AGBL4: variants seen among roughly 807,000 people sequenced by gnomAD.
The protein encoded by AGBL4 is cytosolic carboxypeptidase 6.
AGBL4 carries 58 observed loss-of-function variants against 66.4 expected under a neutral mutation model. That is an observed-to-expected ratio of 0.87 (90% CI 0.71 to 1.09). The LOEUF is 1.09. Ranked by LOEUF, AGBL4 falls within the 50% of genes least tolerant of loss-of-function variation. The pLI, the probability that AGBL4 is intolerant of heterozygous loss-of-function variation, is 0.00. For synonymous variants in AGBL4, 234 were observed against 222.9 expected, an observed-to-expected ratio of 1.05 and a Z score of -0.44; for missense variants, 579 against 631.0, an observed-to-expected ratio of 0.92 and a Z score of 0.88.
At position 48,717,078 on chromosome 1, in the gene AGBL4, C is replaced by T. The variant is rs1000447488; in HGVS notation, c.635-53837G>A. Among the ~76,000 whole-genome samples, 11 of 152,380 alleles carry T rather than the reference C, an allele frequency of 7.2e-5. No individual in the cohort carries two copies. In the East Asian group the frequency reaches 1.2e-3, roughly 16 times the overall value. On this transcript the variant is annotated intron_variant, in intron 6 of 13. Transcript: ENST00000371839. Reference sequence around the variant, plus strand: ...TTTCAGCTACACAGAAGAGCAGGCGCGGATAGTGCAGTGCAGTGCCCCATC... The same window carrying T: ...TTTCAGCTACACAGAAGAGCAGGCGTGGATAGTGCAGTGCAGTGCCCCATC...
intron 5 of AGBL4, among the ~76,000 whole-genome samples, chr1:48,996,580 T>A (rs77393403): frequency 0.013 from 1,914 of 152,226 alleles, 39 homozygotes; most frequent in African/African-American, 0.043. Flanking sequence ...TCCAATAACA[T>A]GAAAACAGGG....
intron 4 of AGBL4, among the ~76,000 whole-genome samples, chr1:49,064,992 C>G (rs1306376639): frequency 1.3e-5 from 2 of 152,072 alleles, no homozygotes; most frequent in African/African-American, 4.8e-5. Flanking sequence ...AAACTTAAAT[C>G]AAAGGCCAGG....
At chr1:48,957,170 A>G (rs1657520813) in intron 5 of AGBL4, among the ~76,000 whole-genome samples, 1 of 152,178 alleles carries the variant, frequency 6.6e-6, no homozygotes, top group Admixed American at 6.6e-5. Context: ...CTATTATTAC[A>G]TATATATGTA....
chr1:49,077,839 A>C (rs1415550778), intron 4 of AGBL4, among the ~76,000 whole-genome samples: 1 of 152,108 alleles, frequency 6.6e-6, no homozygotes, highest in Admixed American at 6.6e-5. Flanking sequence ...AGGAGGGAGG[A>C]GGAAAGGAGG....
intron 3 of AGBL4, among the ~76,000 whole-genome samples, chr1:49,502,460 A>T (rs1185369788): frequency 6.6e-6 from 1 of 152,110 alleles, no homozygotes; most frequent in Non-Finnish European, 1.5e-5. Context: ...TGTGGAAGTG[A>T]TTTTGGAACT....
chr1:48,701,805 AT>A (rs1646806268), intron 6 of AGBL4, among the ~76,000 whole-genome samples: 1 of 152,174 alleles, frequency 6.6e-6, no homozygotes, highest in African/African-American at 2.4e-5. Flanking sequence ...TTATTGTTGA[AT>A]AAAACAATAA....
At chr1:49,401,400 A>C (rs1645083017) in intron 3 of AGBL4, among the ~76,000 whole-genome samples, 1 of 152,156 alleles carries the variant, frequency 6.6e-6, no homozygotes, top group African/African-American at 2.4e-5. Flanking sequence ...ACATAGCCAA[A>C]TCATATCACA....
At chr1:49,845,187 C>T in intron 2 of AGBL4, 1 of 1,434,420 alleles carries the variant, frequency 7.0e-7, no homozygotes, top group South Asian at 1.1e-5. Context: ...GAAAAGTCTT[C>T]CGAAACAGCT....
chr1:48,885,086 AT>A (rs532730982), intron 5 of AGBL4, among the ~76,000 whole-genome samples: 53 of 152,210 alleles, frequency 3.5e-4, no homozygotes, highest in Non-Finnish European at 1.5e-5. Context: ...CCTGGAGATC[AT>A]CTAGTCCAGG....
chr1:49,559,318 TATCA>T (rs1643977963), intron 3 of AGBL4, among the ~76,000 whole-genome samples: 1 of 152,142 alleles, frequency 6.6e-6, no homozygotes, highest in South Asian at 2.1e-4. Flanking sequence ...TGTACAAGAC[TATCA>T]AGGCAGTACC....
chr1:49,991,828 C>A (rs1659965156), intron 1 of AGBL4, among the ~76,000 whole-genome samples: 1 of 152,070 alleles, frequency 6.6e-6, no homozygotes, highest in East Asian at 1.9e-4. Context: ...CATTAAAGGG[C>A]TTTGGAGTCA....
chr1:49,347,753 G>A (rs759064008), intron 3 of AGBL4, among the ~76,000 whole-genome samples: 6 of 151,620 alleles, frequency 4.0e-5, no homozygotes, highest in African/African-American at 1.2e-4. Context: ...CCAGCTACTC[G>A]GGAGGCTGCA....
At chr1:49,753,355 T>C (rs1651627871) in intron 2 of AGBL4, among the ~76,000 whole-genome samples, 2 of 152,242 alleles carry the variant, frequency 1.3e-5, no homozygotes. Context: ...TGTGAAATTC[T>C]GGGTTGAAAA....
chr1:49,597,977 C>T (rs1644882108), intron 3 of AGBL4, among the ~76,000 whole-genome samples: 1 of 152,196 alleles, frequency 6.6e-6, no homozygotes, highest in Non-Finnish European at 1.5e-5. Flanking sequence ...GATAATTTGA[C>T]TTCCTCCCTT....
chr1:49,977,276 T>G (rs1361171973), intron 1 of AGBL4, among the ~76,000 whole-genome samples: 2 of 151,992 alleles, frequency 1.3e-5, no homozygotes, highest in East Asian at 3.8e-4. Context: ...CCTCCCATCT[T>G]TCATGAGCTT....
At position 48,587,220 on chromosome 1, in the gene AGBL4, T is replaced by C. The variant is rs1441279251; in HGVS notation, c.1105-54A>G. On this transcript the variant is annotated intron_variant, in intron 10 of 13. Transcript: ENST00000371839. Reference sequence around the variant, plus strand: ...ATCACGGCACCTGCTGCAAATTGGATTGTGGGCAAATTTTACAACACCTCT... The same window carrying C: ...ATCACGGCACCTGCTGCAAATTGGACTGTGGGCAAATTTTACAACACCTCT... 2.0e-6 allele frequency: 3 copies of C among 1,505,930 alleles called. No homozygotes were observed. The East Asian group carries it at 7.4e-5, about 37-fold the overall frequency. The allele number at this position is 1,505,930 out of a possible 1,614,324, so 93.3% of individuals were successfully genotyped here.
chr1:49,835,514 A>G (rs544601172), intron 2 of AGBL4, among the ~76,000 whole-genome samples: 62 of 151,720 alleles, frequency 4.1e-4, no homozygotes, highest in African/African-American at 1.4e-3. Flanking sequence ...ATGGGTGTTG[A>G]CTCTTTATCC....
intron 2 of AGBL4, among the ~76,000 whole-genome samples, chr1:49,823,291 A>G (rs1645415190): frequency 6.6e-6 from 1 of 152,208 alleles, no homozygotes; most frequent in African/African-American, 2.4e-5. Context: ...CTTAGCTATA[A>G]GGCAGTGTGA....
chr1:49,650,903 G>A (rs1645990859), intron 3 of AGBL4, among the ~76,000 whole-genome samples: 1 of 152,158 alleles, frequency 6.6e-6, no homozygotes, highest in Admixed American at 6.5e-5. Context: ...TGACATGAGT[G>A]CCCTTGGAAA....
Sources: gnomAD v4.1 joint callset for allele counts (sites outside exome capture counted in the v4.1 genomes callset) on GRCh38, gnomAD v4.1.1 for gene constraint, MANE v1.5 for transcripts, NCBI Gene and HGNC (gene_info 2026-07-23, HGNC 2026-07-21) for gene names.